Variants in MAST2 observed in about 807,000 individuals in gnomAD.
MAST2 encodes microtubule associated serine/threonine kinase 2.
MAST2 carries 70 observed loss-of-function variants against 147.4 expected under a neutral mutation model. That is an observed-to-expected ratio of 0.47 (90% confidence interval 0.39 to 0.58). The LOEUF (loss-of-function observed/expected upper bound fraction) is 0.58. Among genes scored for constraint, MAST2 ranks in the 20% least tolerant of loss-of-function variants. MAST2 has a pLI of 0.00. For missense variants in MAST2, 2,080 were observed against 2,302.3 expected, an observed-to-expected ratio of 0.90 and a Z score of 1.98; for synonymous variants, 869 against 896.8, an observed-to-expected ratio of 0.97 and a Z score of 0.55.
At chr1:45,915,981 A>C (rs985343630) in intron 4 of MAST2, among the ~76,000 whole-genome samples, 9 of 152,142 alleles carry the variant, frequency 5.9e-5, no homozygotes, top group African/African-American at 2.2e-4. Context: ...TAAAATTAAC[A>C]TTTTTACTTC....
chr1:45,965,662 T>A (rs2148951396), intron 5 of MAST2, among the ~76,000 whole-genome samples: 2 of 152,306 alleles, frequency 1.3e-5, no homozygotes, highest in East Asian at 3.9e-4. Flanking sequence ...ACAGTGTCAG[T>A]AATGTCAGTT....
intron 5 of MAST2, among the ~76,000 whole-genome samples, chr1:45,968,354 T>C (rs1643710522): frequency 1.3e-5 from 2 of 152,180 alleles, no homozygotes; most frequent in Admixed American, 6.5e-5. Context: ...TTAACATTTC[T>C]TGCAAGGCAG....
chr1:45,937,919 C>A (rs1387001328), intron 4 of MAST2, among the ~76,000 whole-genome samples: 1 of 151,866 alleles, frequency 6.6e-6, no homozygotes, highest in Non-Finnish European at 1.5e-5. Context: ...CACCATAATC[C>A]AAATTTAGAA....
chr1:45,832,499 T>G (rs1031870812), intron 3 of MAST2, among the ~76,000 whole-genome samples: 6 of 152,148 alleles, frequency 3.9e-5, no homozygotes, highest in Non-Finnish European at 8.8e-5. Context: ...TTTGCCATGT[T>G]GGCCAGGCTG....
intron 3 of MAST2, among the ~76,000 whole-genome samples, chr1:45,862,478 G>A (rs1646013349): frequency 6.7e-6 from 1 of 149,008 alleles, no homozygotes; most frequent in Non-Finnish European, 1.5e-5. Context: ...TAGATAGTGA[G>A]GACTGAAGAT....
At chr1:46,033,535 AG>A (rs1010725656) in intron 26 of MAST2, among the ~76,000 whole-genome samples, 1 of 152,054 alleles carries the variant, frequency 6.6e-6, no homozygotes, top group African/African-American at 2.4e-5. Flanking sequence ...ACTAAGGCCC[AG>A]GGATCCTTCT....
chr1:45,858,961 T>G (rs890130512), intron 3 of MAST2, among the ~76,000 whole-genome samples: 15 of 152,188 alleles, frequency 9.9e-5, no homozygotes, highest in Non-Finnish European at 1.2e-4. Context: ...TCTGTTCCAT[T>G]GGTCTATATC....
intron 3 of MAST2, among the ~76,000 whole-genome samples, chr1:45,863,195 G>T (rs1344728064): frequency 6.6e-6 from 1 of 151,942 alleles, no homozygotes; most frequent in East Asian, 1.9e-4. Flanking sequence ...CTGATTACCG[G>T]GTTGAATAAA....
At chr1:45,847,728 CTTTT>C in intron 3 of MAST2, 1 of 240,482 alleles carries the variant, frequency 4.2e-6, no homozygotes, top group Non-Finnish European at 8.4e-6. Flanking sequence ...CTCCCTTTTT[CTTTT>C]TTTTTAAGAT....
At chr1:45,813,314 A>G (rs1644357661) in intron 1 of MAST2, among the ~76,000 whole-genome samples, 1 of 151,962 alleles carries the variant, frequency 6.6e-6, no homozygotes, top group Non-Finnish European at 1.5e-5. Flanking sequence ...TGGGGGTCCC[A>G]TAAGATTATT....
Position 46,023,081 on chromosome 1 carries a change from C to A in MAST2, c.1485+110C>A. The stretch of plus-strand genomic sequence containing the variant: ...GAGGAAGGGATGGGGGAGTTGGTGA[C>A]AGCAAACACTGAGAAGTCATTCTAC... On this transcript the variant is annotated intron_variant, in intron 13 of 28. Transcript: ENST00000361297. The surrounding 1 kb of genome is among the most constrained non-coding windows in gnomAD (Gnocchi z 4.9). The A allele has an allele frequency of 8.1e-7, 1 of 1,232,472 alleles. No individual in the cohort carries two copies. The highest frequency in any genetic ancestry group is 1.2e-6 in the Non-Finnish European group (1 of 840,032). The allele number at this position is 1,232,472 out of a possible 1,614,324, so 76.3% of individuals were successfully genotyped here.
intron 4 of MAST2, among the ~76,000 whole-genome samples, chr1:45,922,609 G>A (rs1653695165): frequency 6.6e-6 from 1 of 152,218 alleles, no homozygotes; most frequent in East Asian, 1.9e-4. Context: ...ACTGACAGAG[G>A]GGAGAAGCCA....
chr1:45,879,354 C>G (rs900037867), intron 3 of MAST2, among the ~76,000 whole-genome samples: 2 of 152,018 alleles, frequency 1.3e-5, no homozygotes, highest in African/African-American at 4.8e-5. Context: ...AGGTGGATCA[C>G]CTGAGGTCAG....
chr1:46,003,232 C>G (rs1173624405), intron 7 of MAST2, among the ~76,000 whole-genome samples: 1 of 152,162 alleles, frequency 6.6e-6, no homozygotes, highest in Non-Finnish European at 1.5e-5. Flanking sequence ...GAACTGGAAC[C>G]AAGAGCAGAT....
At chr1:45,850,685 C>G (rs889970915) in intron 3 of MAST2, among the ~76,000 whole-genome samples, 2 of 152,082 alleles carry the variant, frequency 1.3e-5, no homozygotes, top group African/African-American at 4.8e-5. Context: ...AGCCAGCTAT[C>G]CCAGCACTAT....
chr1:45,823,244 CT>C (rs1398292587), intron 1 of MAST2, among the ~76,000 whole-genome samples: 4 of 147,476 alleles, frequency 2.7e-5, no homozygotes, highest in South Asian at 2.1e-4. Flanking sequence ...AAATTTCCTC[CT>C]TTTTTGCCCC....
chr1:45,962,814 G>A (rs1006806818), intron 5 of MAST2, among the ~76,000 whole-genome samples: 2 of 151,742 alleles, frequency 1.3e-5, no homozygotes, highest in African/African-American at 4.8e-5. Flanking sequence ...TGTTGCCATT[G>A]CTTTTAGACA....
At chr1:45,818,031 G>C (rs1165013946) in intron 1 of MAST2, among the ~76,000 whole-genome samples, 2 of 152,226 alleles carry the variant, frequency 1.3e-5, no homozygotes, top group Non-Finnish European at 2.9e-5. Flanking sequence ...CGAGATGCTT[G>C]AAGAAGTGGT....
chr1:45,909,670 C>T (rs1353093489), intron 4 of MAST2, among the ~76,000 whole-genome samples: 2 of 151,814 alleles, frequency 1.3e-5, no homozygotes, highest in African/African-American at 2.4e-5. Context: ...GGCATGCGCC[C>T]CCACGCCCAG....
Sources: allele counts gnomAD v4.1 joint callset (sites outside exome capture counted in the v4.1 genomes callset), GRCh38; gene constraint gnomAD v4.1.1; non-coding constraint Gnocchi (gnomAD v3.1); transcripts MANE v1.5; gene names NCBI Gene and HGNC (gene_info 2026-07-23, HGNC 2026-07-21).